ANKH: variants seen among roughly 807,000 people sequenced by gnomAD.
ANKH encodes the protein ANKH inorganic pyrophosphate transport regulator.
Under a neutral mutation model 49.0 loss-of-function variants are expected in ANKH, and 15 were observed. That is an observed-to-expected ratio of 0.31 (90% CI 0.20 to 0.47). The LOEUF (loss-of-function observed/expected upper bound fraction) is 0.47, where lower values mean the gene tolerates loss of function less well. Among genes scored for constraint, ANKH ranks in the 20% least tolerant of loss-of-function variants. The pLI is 1.00. For synonymous variants in ANKH, 273 were observed against 260.0 expected (o/e 1.05, Z -0.48); for missense variants, 429 against 652.0 (o/e 0.66, Z 3.72).
At chr5:14,813,701 A>G (rs1338167443) in intron 1 of ANKH, among the ~76,000 whole-genome samples, 2 of 152,170 alleles carry the variant, frequency 1.3e-5, no homozygotes, top group Admixed American at 6.5e-5. Flanking sequence ...TGTCTGCCAC[A>G]GCCATCAATC....
Position 14,871,495 on chromosome 5 carries a change from A to C in ANKH, c.-48T>G. 1 of 1,497,388 alleles carries C rather than the reference A, an allele frequency of 6.7e-7. No individual in the cohort carries two copies. The highest frequency in any genetic ancestry group is 9.2e-7 in the Non-Finnish European group (1 of 1,090,704). The allele number at this position is 1,497,388 out of a possible 1,614,324, so 92.8% of individuals were successfully genotyped here. On this transcript the variant is annotated 5_prime_UTR_variant, in exon 1 of 12. Coordinates refer to ENST00000284268, the MANE Select transcript of ANKH (RefSeq NM_054027.6). ...CACACACATCTGCTGCCGCGAGGGGACTCTGCGGGGAGGCGAGGGGCGACG... is the reference window on the plus strand; with the variant it reads ...CACACACATCTGCTGCCGCGAGGGGCCTCTGCGGGGAGGCGAGGGGCGACG...
intron 1 of ANKH, among the ~76,000 whole-genome samples, chr5:14,805,937 T>C (rs917979251): frequency 2.0e-5 from 3 of 152,206 alleles, no homozygotes; most frequent in Admixed American, 1.3e-4. Context: ...CTAACTCCTC[T>C]GCTTAGCAAC....
chr5:14,729,504 C>A (rs899709044), intron 8 of ANKH, among the ~76,000 whole-genome samples: 1 of 150,894 alleles, frequency 6.6e-6, no homozygotes, highest in South Asian at 2.1e-4. Context: ...AAAAAAAAGT[C>A]TTCTAATTGA....
intron 1 of ANKH, among the ~76,000 whole-genome samples, chr5:14,815,391 T>C (rs1741004540): frequency 6.6e-6 from 1 of 152,238 alleles, no homozygotes; most frequent in Non-Finnish European, 1.5e-5. Flanking sequence ...TGTATGGATA[T>C]ATACTTGTGT....
intron 1 of ANKH, among the ~76,000 whole-genome samples, chr5:14,842,225 T>C (rs1327378087): frequency 6.6e-6 from 1 of 152,146 alleles, no homozygotes; most frequent in Non-Finnish European, 1.5e-5. Context: ...TGACTGATGA[T>C]GGGGGGTGTG....
At chr5:14,796,710 C>T (rs1740402227) in intron 1 of ANKH, among the ~76,000 whole-genome samples, 1 of 152,136 alleles carries the variant, frequency 6.6e-6, no homozygotes, top group Non-Finnish European at 1.5e-5. Flanking sequence ...CCCCTATTTC[C>T]TGAATAAAAG....
At chr5:14,743,812 G>C (rs527823321) in intron 7 of ANKH, among the ~76,000 whole-genome samples, 89 of 152,320 alleles carry the variant, frequency 5.8e-4, no homozygotes, top group Non-Finnish European at 1.0e-3. Context: ...CTCGTTAAAG[G>C]AATTTTTTTA....
rs1225553945 is a variant in ANKH, at chr5:14,737,818, A to G, written c.1011+4009T>C. Among the ~76,000 whole-genome samples, 1 of 152,200 alleles carries G rather than the reference A, an allele frequency of 6.6e-6. No individual in the cohort carries two copies. The highest frequency in any genetic ancestry group is 1.5e-5 in the Non-Finnish European group (1 of 68,038). ...GCACTGTGTCTGCTCCCTCGTTGCT[A>G]TCAAGGGGATTCCGTTTCATCTGAC... On this transcript the variant is annotated intron_variant, in intron 8 of 11. Transcript: ENST00000284268. The surrounding 1 kb of genome is among the most constrained non-coding windows in gnomAD (Gnocchi z 5.0).
intron 4 of ANKH, among the ~76,000 whole-genome samples, chr5:14,754,173 C>G (rs1009671193): frequency 6.6e-6 from 1 of 152,206 alleles, no homozygotes; most frequent in African/African-American, 2.4e-5. Context: ...TCTGTTTATT[C>G]TAAACTTGCA....
Position 14,716,899 on chromosome 5 carries a change from C to A in ANKH, c.1012-64G>T, listed in dbSNP as rs541319816. The A allele has an allele frequency of 4.4e-6, 7 of 1,593,808 alleles. No homozygotes were observed. The South Asian group carries it at 6.7e-5, about 15-fold the overall frequency. On this transcript the variant is annotated intron_variant, in intron 8 of 11. Coordinates refer to ENST00000284268, the MANE Select transcript of ANKH (RefSeq NM_054027.6). ...GTGTAAGCAGGTGAAATGAGCAGAT[C>A]AGGTGTGGCACAATCCTTGGAGAGT...
intron 8 of ANKH, among the ~76,000 whole-genome samples, chr5:14,727,159 G>A (rs1003389219): frequency 1.3e-5 from 2 of 152,122 alleles, no homozygotes; most frequent in Non-Finnish European, 2.9e-5. Flanking sequence ...GAGAAACAGA[G>A]CTTGGTTTTC....
intron 1 of ANKH, among the ~76,000 whole-genome samples, chr5:14,812,360 G>A (rs943165691): frequency 1.3e-5 from 2 of 152,086 alleles, no homozygotes; most frequent in Non-Finnish European, 2.9e-5. Flanking sequence ...CGCACTGGCT[G>A]CCTCCTTCAC....
At position 14,710,204 on chromosome 5, in the gene ANKH, T is replaced by G. The variant is rs147143521; in HGVS notation, c.*993A>C. ...AAGGATAGCAGAACCAGGTAATATATCTACTTCAAAAGTTACCCTACAGCA... is the reference window on the plus strand; with the variant it reads ...AAGGATAGCAGAACCAGGTAATATAGCTACTTCAAAAGTTACCCTACAGCA... On this transcript the variant is annotated 3_prime_UTR_variant, in exon 12 of 12. Coordinates refer to ENST00000284268, the MANE Select transcript of ANKH (RefSeq NM_054027.6). The G allele has an allele frequency of 2.6e-5, 4 of 152,308 alleles. No individual in the cohort carries two copies. In the East Asian group the frequency reaches 5.8e-4, roughly 22 times the overall value. 9.4% of individuals were successfully genotyped at this position (152,308 alleles called of 1,614,324 possible).
At chr5:14,751,309 A>C (rs1249007413) in intron 4 of ANKH, 70 bp from the exon 5 acceptor site, 1 of 1,498,776 alleles carries the variant, frequency 6.7e-7, no homozygotes, top group Non-Finnish European at 9.2e-7. Flanking sequence ...GCACAGGGGC[A>C]CGCTCTTGAA....
intron 1 of ANKH, among the ~76,000 whole-genome samples, chr5:14,815,970 T>C (rs1007593873): frequency 1.3e-5 from 2 of 152,214 alleles, no homozygotes; most frequent in Non-Finnish European, 2.9e-5. Flanking sequence ...CCCCTATTTT[T>C]CTGTTTGCTC....
At chr5:14,723,741 G>A (rs944738246) in intron 8 of ANKH, among the ~76,000 whole-genome samples, 20 of 152,324 alleles carry the variant, frequency 1.3e-4, no homozygotes, top group African/African-American at 4.3e-4. Flanking sequence ...GCCATTGACC[G>A]TGAAGTGTCT....
Position 14,706,165 on chromosome 5 carries a change from G to GAAAA in ANKH, c.*5031_*5032insTTTT, listed in dbSNP as rs1736940059. 6.6e-6 allele frequency: 1 copy of GAAAA among 152,278 alleles called. No individual in the cohort carries two copies. The highest frequency in any genetic ancestry group is 2.1e-4 in the South Asian group (1 of 4,824). The allele number at this position is 152,278 out of a possible 1,614,324, so 9.4% of individuals were successfully genotyped here. On this transcript the variant is annotated 3_prime_UTR_variant, in exon 12 of 12. Transcript: ENST00000284268. Reference sequence around the variant, plus strand: ...ATTGTAGACGCTAATGTCAAGTCTTGTTAGTAAAGTGCACTTTAAGTTATG... The same window carrying GAAAA: ...ATTGTAGACGCTAATGTCAAGTCTTGAAAATTAGTAAAGTGCACTTTAAGTTATG...
In ANKH at chr5:14,708,901, T is replaced by C. The variant is rs369910464; in HGVS notation, c.*2296A>G. The C allele has an allele frequency of 6.6e-6, 1 of 152,036 alleles. No homozygotes were observed. Among genetic ancestry groups the C allele is most frequent in the South Asian group, 2.1e-4 (1 of 4,822 alleles). 9.4% of individuals were successfully genotyped at this position (152,036 alleles called of 1,614,324 possible). On this transcript the variant is annotated 3_prime_UTR_variant, in exon 12 of 12. Coordinates refer to ENST00000284268, the MANE Select transcript of ANKH (RefSeq NM_054027.6). Reference sequence around the variant, plus strand: ...CTGGATTTAGAGGGAAAGGATTTTTTTTTTTTTTGAGATGGAGTTTTGCTC... The same window carrying C: ...CTGGATTTAGAGGGAAAGGATTTTTCTTTTTTTTGAGATGGAGTTTTGCTC...
intron 7 of ANKH, among the ~76,000 whole-genome samples, chr5:14,742,656 C>T (rs536590367): frequency 2.0e-5 from 3 of 152,216 alleles, no homozygotes; most frequent in Admixed American, 6.5e-5. Context: ...TCCTGTCATG[C>T]GTCCAACCCC....
Sources: allele counts gnomAD v4.1 joint callset (sites outside exome capture counted in the v4.1 genomes callset), GRCh38; gene constraint gnomAD v4.1.1; non-coding constraint Gnocchi (gnomAD v3.1); transcripts MANE v1.5; gene names NCBI Gene and HGNC (gene_info 2026-07-23, HGNC 2026-07-21).